Variants in NREP observed in about 807,000 individuals in gnomAD.
The protein encoded by NREP is neuronal regeneration related protein.
In NREP, 5 loss-of-function variants were observed where a neutral mutation model predicts 8.6. The ratio of observed to expected loss-of-function variants is 0.58; its 90% CI spans 0.30 to 1.22. NREP has a LOEUF of 1.22. Among genes scored for constraint, NREP ranks in the 50% most tolerant of loss-of-function variants. The pLI is 0.07. For missense variants in NREP, 86 were observed against 82.5 expected (o/e 1.04, Z -0.17); for synonymous variants, 27 against 28.0 (o/e 0.96, Z 0.11).
chr5:111,946,074 T>TCACACACACACA (rs72097994), intron 2 of NREP, among the ~76,000 whole-genome samples: 47 of 126,926 alleles, frequency 3.7e-4, no homozygotes, highest in African/African-American at 1.2e-3. Context: ...GAGATTTTGA[T>TCACACACACACA]CACACACACA....
intron 2 of NREP, among the ~76,000 whole-genome samples, chr5:111,823,933 T>A (rs1038791173): frequency 1.2e-4 from 19 of 152,228 alleles, no homozygotes; most frequent in Non-Finnish European, 2.9e-5. Context: ...TTAGTTTTAG[T>A]GTAGCATGTA....
intron 2 of NREP, among the ~76,000 whole-genome samples, chr5:111,946,074 T>TCACACGCACA (rs1554055372): frequency 6.3e-5 from 8 of 126,822 alleles, no homozygotes; most frequent in African/African-American, 2.3e-4. Flanking sequence ...GAGATTTTGA[T>TCACACGCACA]CACACACACA....
chr5:111,769,596 G>A (rs1499273), intron 2 of NREP, among the ~76,000 whole-genome samples: 8,906 of 152,246 alleles, frequency 0.058, 377 homozygotes, highest in African/African-American at 0.12. Context: ...CTGAGACTGC[G>A]AAATTTATGA....
At chr5:111,738,886 A>C (rs1419629227) in intron 2 of NREP, 1 of 152,174 alleles carries the variant, frequency 6.6e-6, no homozygotes, top group Admixed American at 6.5e-5. Flanking sequence ...CCTTCTAAGA[A>C]GAGATTAGGA....
intron 2 of NREP, among the ~76,000 whole-genome samples, chr5:111,911,545 A>G (rs1483257803): frequency 6.6e-6 from 1 of 152,052 alleles, no homozygotes; most frequent in African/African-American, 2.4e-5. Flanking sequence ...ACCCTCCAGG[A>G]GTGAGCTGGA....
rs150664298 is a variant in NREP at position 111,818,589 on chromosome 5, T to C, written c.136-83082A>G. ...CAAACTAATGTAAACAATTAGGATATATTGCATGACTCTGAAGAAGAGATA... is the reference window on the plus strand; with the variant it reads ...CAAACTAATGTAAACAATTAGGATACATTGCATGACTCTGAAGAAGAGATA... On this transcript the variant is annotated intron_variant, in intron 2 of 3. Transcript: ENST00000395634. Among the ~76,000 whole-genome samples the C allele has an allele frequency of 3.0e-3, 451 of 152,336 alleles. 4 individuals are homozygous for C. Among genetic ancestry groups the C allele is most frequent in the African/African-American group, 0.01 (433 of 41,570 alleles).
chr5:111,955,590 T>G (rs1756293212), intron 2 of NREP, among the ~76,000 whole-genome samples: 2 of 151,890 alleles, frequency 1.3e-5, no homozygotes, highest in Admixed American at 1.3e-4. Flanking sequence ...TCTGAGTCTG[T>G]GTAAGGGGAA....
chr5:111,880,974 A>C (rs1754044498), intron 2 of NREP, among the ~76,000 whole-genome samples: 1 of 152,190 alleles, frequency 6.6e-6, no homozygotes, highest in South Asian at 2.1e-4. Context: ...GACAGTGGGC[A>C]CAGGACAGTG....
intron 2 of NREP, among the ~76,000 whole-genome samples, chr5:111,785,804 A>C (rs1391640510): frequency 1.3e-5 from 2 of 152,152 alleles, no homozygotes; most frequent in Non-Finnish European, 2.9e-5. Flanking sequence ...GGAAAGGATG[A>C]GAAAGGCAAC....
chr5:111,823,170 A>G (rs964935096), intron 2 of NREP, among the ~76,000 whole-genome samples: 5 of 152,176 alleles, frequency 3.3e-5, no homozygotes, highest in African/African-American at 9.7e-5. Context: ...GTTCTTTTCA[A>G]TACCCAGCTC....
At chr5:111,780,626 AT>A (rs1249305423) in intron 2 of NREP, among the ~76,000 whole-genome samples, 1 of 152,150 alleles carries the variant, frequency 6.6e-6, no homozygotes, top group Non-Finnish European at 1.5e-5. Context: ...AGGAGACTGG[AT>A]TTCAAATCTT....
At position 111,896,598 on chromosome 5, in the gene NREP, G is replaced by A. The variant is rs544220996; in HGVS notation, c.135+78676C>T. ...AGAGAGGCTACCAACCATTTAAACCGGAGTATCTGTGCATTTTCCAGGGAT... is the reference window on the plus strand; with the variant it reads ...AGAGAGGCTACCAACCATTTAAACCAGAGTATCTGTGCATTTTCCAGGGAT... On this transcript the variant is annotated intron_variant, in intron 2 of 3. Coordinates refer to the NREP transcript ENST00000395634. Among the ~76,000 whole-genome samples the A allele has an allele frequency of 3.2e-4, 49 of 152,254 alleles. 1 individual carries two copies. The highest frequency in any genetic ancestry group is 1.5e-3 in the South Asian group (7 of 4,824).
intron 2 of NREP, among the ~76,000 whole-genome samples, chr5:111,751,363 C>T (rs932627568): frequency 1.3e-5 from 2 of 152,144 alleles, no homozygotes; most frequent in African/African-American, 2.4e-5. Context: ...AATACTTTTG[C>T]ACTAACAGAT....
In NREP at chr5:111,796,242, T is replaced by C. The variant is rs574421358; in HGVS notation, c.136-60735A>G. 4.6e-5 allele frequency among the ~76,000 whole-genome samples: 7 copies of C among 152,310 alleles called. No homozygotes were observed. In the East Asian group the frequency reaches 1.4e-3, roughly 29 times the overall value. On this transcript the variant is annotated intron_variant, in intron 2 of 3. Transcript: ENST00000395634. Reference sequence around the variant, plus strand: ...CCTTTTGTCTCTTGCCTCTCGCCTCTAGCTCCTGTCCTCACACCTCCTGCT... The same window carrying C: ...CCTTTTGTCTCTTGCCTCTCGCCTCCAGCTCCTGTCCTCACACCTCCTGCT...
intron 2 of NREP, among the ~76,000 whole-genome samples, chr5:111,784,660 G>A (rs962411792): frequency 7.2e-5 from 11 of 152,060 alleles, no homozygotes; most frequent in Admixed American, 2.6e-4. Flanking sequence ...ACTTCTCAAG[G>A]TCCTTAGTAT....
At chr5:111,823,512 T>C (rs1298223855) in intron 2 of NREP, among the ~76,000 whole-genome samples, 1 of 152,192 alleles carries the variant, frequency 6.6e-6, no homozygotes, top group Non-Finnish European at 1.5e-5. Flanking sequence ...AAATGTCCAG[T>C]TGTTAAAATA....
At chr5:111,827,458 C>G (rs1752655696) in intron 2 of NREP, among the ~76,000 whole-genome samples, 1 of 152,208 alleles carries the variant, frequency 6.6e-6, no homozygotes, top group Non-Finnish European at 1.5e-5. Context: ...GCCCAAGTTA[C>G]TGAGGAACCA....
intron 2 of NREP, among the ~76,000 whole-genome samples, chr5:111,961,828 G>C (rs913717335): frequency 5.9e-5 from 9 of 152,272 alleles, no homozygotes; most frequent in Admixed American, 2.6e-4. Context: ...CATTTTGAGT[G>C]GTGAGGACTT....
intron 2 of NREP, among the ~76,000 whole-genome samples, chr5:111,919,830 C>A (rs1406162950): frequency 6.8e-6 from 1 of 148,144 alleles, no homozygotes; most frequent in African/African-American, 2.5e-5. Context: ...ATGTAACAAA[C>A]CTGCACATTC....
Sources: gnomAD v4.1 joint callset for allele counts (sites outside exome capture counted in the v4.1 genomes callset) on GRCh38, gnomAD v4.1.1 for gene constraint, MANE v1.5 for transcripts, NCBI Gene and HGNC (gene_info 2026-07-23, HGNC 2026-07-21) for gene names.